MICU2: variants seen among roughly 807,000 people sequenced by gnomAD.
MICU2 encodes the protein mitochondrial calcium uptake 2.
In MICU2, 64 loss-of-function variants were observed where a neutral mutation model predicts 60.4. The ratio of observed to expected loss-of-function variants is 1.06; its 90% CI spans 0.87 to 1.31. The LOEUF (loss-of-function observed/expected upper bound fraction) is 1.31, where lower values mean the gene tolerates loss of function less well. Ranked by LOEUF, MICU2 falls within the 50% of genes most tolerant of loss-of-function variation. The probability of loss-of-function intolerance (pLI) is 0.00; values close to 1 mark genes in which losing one functional copy is unlikely to be tolerated. For missense variants in MICU2, 569 were observed against 531.0 expected, an observed-to-expected ratio of 1.07 and a Z score of -0.70; for synonymous variants, 201 against 175.0, an observed-to-expected ratio of 1.15 and a Z score of -1.17.
At chr13:21,577,417 G>A (rs536823380) in intron 1 of MICU2, among the ~76,000 whole-genome samples, 6 of 152,270 alleles carry the variant, frequency 3.9e-5, no homozygotes, top group African/African-American at 1.2e-4. Context: ...GACTTTGGGA[G>A]GCTGAGGGAA....
intron 1 of MICU2, among the ~76,000 whole-genome samples, chr13:21,583,645 G>A (rs760321426): frequency 6.6e-6 from 1 of 152,134 alleles, no homozygotes; most frequent in Non-Finnish European, 1.5e-5. Context: ...CCATGCATGG[G>A]GCTCCCGCTA....
At chr13:21,581,167 T>C (rs1473776812) in intron 1 of MICU2, among the ~76,000 whole-genome samples, 1 of 152,202 alleles carries the variant, frequency 6.6e-6, no homozygotes, top group Non-Finnish European at 1.5e-5. Context: ...GACAAGGATG[T>C]AACCTGAAAA....
chr13:21,560,353 C>T (rs922226155), intron 2 of MICU2, among the ~76,000 whole-genome samples: 23 of 152,162 alleles, frequency 1.5e-4, no homozygotes, highest in African/African-American at 5.3e-4. Context: ...TAGTACCATT[C>T]GTTGAACAGT....
At chr13:21,547,127 T>G (rs372026651) in intron 2 of MICU2, among the ~76,000 whole-genome samples, 2 of 152,194 alleles carry the variant, frequency 1.3e-5, no homozygotes, top group Admixed American at 6.5e-5. Context: ...ACTGGCTTTA[T>G]GTACTTACTG....
chr13:21,601,153 C>G (rs985064184), intron 1 of MICU2, among the ~76,000 whole-genome samples: 4 of 152,116 alleles, frequency 2.6e-5, no homozygotes, highest in Non-Finnish European at 5.9e-5. Context: ...ACTTGGAATA[C>G]CAATGTAACT....
rs530931349 is a variant in MICU2, at chr13:21,539,171, G to A, written c.466+131C>T. 4.4e-5 allele frequency: 32 copies of A among 734,228 alleles called. No homozygotes were observed. The African/African-American group carries it at 4.7e-4, about 11-fold the overall frequency. The allele number at this position is 734,228 out of a possible 1,614,324, so 45.5% of individuals were successfully genotyped here. Reference sequence around the variant, plus strand: ...GTAATTGCTCAAAGACTTTGAAAAAGTTACCTCCTTACTTCATGTTTTAAA... The same window carrying A: ...GTAATTGCTCAAAGACTTTGAAAAAATTACCTCCTTACTTCATGTTTTAAA... On this transcript the variant is annotated intron_variant, in intron 4 of 11. Coordinates refer to ENST00000382374, the MANE Select transcript of MICU2 (RefSeq NM_152726.3).
chr13:21,521,425 G>GT, intron 5 of MICU2, 98 bp from the exon 6 acceptor site: 1 of 801,802 alleles, frequency 1.2e-6, no homozygotes, highest in Non-Finnish European at 2.0e-6. Context: ...AGCAGAAACT[G>GT]TATGAGTAAG....
chr13:21,567,390 G>A (rs1888010910), intron 1 of MICU2, among the ~76,000 whole-genome samples: 1 of 152,134 alleles, frequency 6.6e-6, no homozygotes, highest in Non-Finnish European at 1.5e-5. Flanking sequence ...AAGTCCATGA[G>A]GTGGGAACAA....
At chr13:21,595,325 A>G (rs1284025704) in intron 1 of MICU2, among the ~76,000 whole-genome samples, 1 of 152,214 alleles carries the variant, frequency 6.6e-6, no homozygotes, top group Non-Finnish European at 1.5e-5. Context: ...AAGACAGCAG[A>G]GCCAAAAAGG....
At chr13:21,508,315 C>G (rs1196353375) in intron 8 of MICU2, among the ~76,000 whole-genome samples, 1 of 151,870 alleles carries the variant, frequency 6.6e-6, no homozygotes, top group South Asian at 2.1e-4. Flanking sequence ...TTAGTAGAGA[C>G]GGGGTTTCAC....
intron 9 of MICU2, chr13:21,496,406 G>C (rs1885998309): frequency 2.3e-6 from 1 of 438,262 alleles, no homozygotes; most frequent in Non-Finnish European, 4.1e-6. Context: ...CTGGTGCCTT[G>C]ATCTTGGACT....
At chr13:21,568,215 TA>T (rs1888028650) in intron 1 of MICU2, among the ~76,000 whole-genome samples, 1 of 152,226 alleles carries the variant, frequency 6.6e-6, no homozygotes, top group Non-Finnish European at 1.5e-5. Flanking sequence ...AAATCTCTCT[TA>T]ATTCAAAGCT....
chr13:21,520,660 G>GT (rs60205345), intron 6 of MICU2, among the ~76,000 whole-genome samples: 56,575 of 144,498 alleles, frequency 0.39, 11,290 homozygotes, highest in East Asian at 0.65. Flanking sequence ...AGGTTTTTTT[G>GT]TTTTTTTTTT....
chr13:21,530,647 C>T, intron 4 of MICU2: 1 of 310,506 alleles, frequency 3.2e-6, no homozygotes, highest in Non-Finnish European at 6.0e-6. Flanking sequence ...GTCTCTCTCT[C>T]TGAAAGTTAA....
intron 8 of MICU2, among the ~76,000 whole-genome samples, chr13:21,508,411 A>G (rs1886347024): frequency 6.6e-6 from 1 of 152,204 alleles, no homozygotes; most frequent in Non-Finnish European, 1.5e-5. Context: ...GGCGTGAGCC[A>G]CCACACCCGG....
intron 9 of MICU2, among the ~76,000 whole-genome samples, chr13:21,497,709 AAAAC>A (rs897594354): frequency 3.3e-5 from 5 of 152,198 alleles, no homozygotes; most frequent in Admixed American, 6.5e-5. Flanking sequence ...CCCTGTCTCA[AAAAC>A]AAACAAACAA....
At chr13:21,525,616 TAATG>T (rs1432962687) in intron 4 of MICU2, among the ~76,000 whole-genome samples, 5 of 151,918 alleles carry the variant, frequency 3.3e-5, no homozygotes, top group Non-Finnish European at 5.9e-5. Flanking sequence ...ACTGCCAACC[TAATG>T]AATGTCACGT....
At chr13:21,600,696 T>C (rs1445439854) in intron 1 of MICU2, among the ~76,000 whole-genome samples, 3 of 152,150 alleles carry the variant, frequency 2.0e-5, no homozygotes, top group African/African-American at 7.2e-5. Context: ...TTGGTCACAA[T>C]GGGAACTAGA....
chr13:21,524,664 A>C (rs1032941585), intron 4 of MICU2, among the ~76,000 whole-genome samples: 1 of 152,226 alleles, frequency 6.6e-6, no homozygotes, highest in Non-Finnish European at 1.5e-5. Flanking sequence ...AACCATTTTT[A>C]AGTTTGGTAG....
Sources: allele counts gnomAD v4.1 joint callset (sites outside exome capture counted in the v4.1 genomes callset), GRCh38; gene constraint gnomAD v4.1.1; transcripts MANE v1.5; gene names NCBI Gene and HGNC (gene_info 2026-07-23, HGNC 2026-07-21).